Variants in TAF12 observed in about 807,000 individuals in gnomAD.
TAF12 encodes the protein transcription initiation factor TFIID subunit 12.
A neutral mutation model predicts 20.8 loss-of-function variants in TAF12; 3 were observed. The ratio of observed to expected loss-of-function variants is 0.14; its 90% CI spans 0.07 to 0.37. The LOEUF (loss-of-function observed/expected upper bound fraction) is 0.37. TAF12 is among the 10% of genes least tolerant of loss of function. TAF12 has a pLI of 1.00. For synonymous variants in TAF12, 69 were observed against 70.2 expected, an observed-to-expected ratio of 0.98 and a Z score of 0.09; for missense variants, 131 against 197.9, an observed-to-expected ratio of 0.66 and a Z score of 2.03.
intron 1 of TAF12, among the ~76,000 whole-genome samples, chr1:28,623,701 T>A (rs963300629): frequency 6.6e-6 from 1 of 152,226 alleles, no homozygotes; most frequent in Non-Finnish European, 1.5e-5. Flanking sequence ...TGCTTAAGTC[T>A]ATGTCAGGGC....
Position 28,613,373 on chromosome 1 carries a change from A to G in TAF12, c.247-12T>C. The G allele has an allele frequency of 6.2e-7, 1 of 1,603,406 alleles. No individual in the cohort carries two copies. Among genetic ancestry groups the G allele is most frequent in the Non-Finnish European group, 8.5e-7 (1 of 1,175,002 alleles). The stretch of plus-strand genomic sequence containing the variant: ...ATCTGCAGCAGCATCTGGGGAAGGT[A>G]AAGTGGGAAGAGTCAGCACGACATT... On this transcript the variant is annotated splice_polypyrimidine_tract_variant and intron_variant, in intron 3 of 5. Transcript: ENST00000373824.
chr1:28,615,516 T>G (rs1667003993), intron 3 of TAF12, among the ~76,000 whole-genome samples: 1 of 151,564 alleles, frequency 6.6e-6, no homozygotes, highest in Non-Finnish European at 1.5e-5. Context: ...CCGTCTCTAC[T>G]AAAATTACAA....
At chr1:28,607,815 G>A (rs1322522282) in intron 4 of TAF12, among the ~76,000 whole-genome samples, 3 of 151,906 alleles carry the variant, frequency 2.0e-5, no homozygotes, top group Non-Finnish European at 4.4e-5. Context: ...ACTGCAGCCT[G>A]GGTGAAGAGG....
At chr1:28,612,090 A>C (rs942746340) in intron 4 of TAF12, among the ~76,000 whole-genome samples, 1 of 152,166 alleles carries the variant, frequency 6.6e-6, no homozygotes, top group Non-Finnish European at 1.5e-5. Flanking sequence ...CACTGTGAAG[A>C]AAGTCTTTCA....
upstream of TAF12, among the ~76,000 whole-genome samples, chr1:28,647,611 C>T (rs372624414): frequency 6.6e-6 from 1 of 152,180 alleles, no homozygotes; most frequent in Admixed American, 6.5e-5. Context: ...CGGTGGCTCA[C>T]GCCTATAATC....
intron 1 of TAF12, among the ~76,000 whole-genome samples, chr1:28,635,237 T>C (rs1433405421): frequency 7.7e-6 from 1 of 129,874 alleles, no homozygotes; most frequent in Non-Finnish European, 1.6e-5. Context: ...CTCAAATAAA[T>C]AAATAAATAA....
At position 28,605,398 on chromosome 1, in the gene TAF12, C is replaced by A; in HGVS notation, c.424G>T (p.Ala142Ser). ...TGTTTGTGAGCTTCTGTGGTGCAAG[C>A]TTTTTTGTAGGGTCGGATTTCTTCA... ...GSEEIRPYKK[A>S]CTTEAHKQRM... is the part of the protein sequence containing the mutation. The change falls in exon 5 of 6, where the codon GCT becomes TCT. Residue 142 changes from alanine to serine, a missense_variant. This residue lies in a region of TAF12 where 60 missense variants were observed against 90.2 expected (regional missense o/e 0.66). Coordinates refer to ENST00000373824, the MANE Select transcript of TAF12 (RefSeq NM_005644.4). 1 of 1,614,058 alleles carries A rather than the reference C, an allele frequency of 6.2e-7. No individual in the cohort carries two copies. The highest frequency in any genetic ancestry group is 1.7e-4 in the Middle Eastern group (1 of 6,060).
At chr1:28,606,224 C>T (rs947467035) in intron 4 of TAF12, among the ~76,000 whole-genome samples, 1 of 152,064 alleles carries the variant, frequency 6.6e-6, no homozygotes, top group African/African-American at 2.4e-5. Context: ...GTCTTGAACT[C>T]CTGACCTCGT....
At chr1:28,615,855 G>A (rs953385871) in intron 3 of TAF12, among the ~76,000 whole-genome samples, 1 of 152,120 alleles carries the variant, frequency 6.6e-6, no homozygotes, top group Non-Finnish European at 1.5e-5. Flanking sequence ...TTACTCTGAA[G>A]TAAAGTCTTG....
chr1:28,611,905 T>C (rs576095375), intron 4 of TAF12, among the ~76,000 whole-genome samples: 3 of 152,308 alleles, frequency 2.0e-5, no homozygotes, highest in Admixed American at 6.5e-5. Flanking sequence ...CCCAGATTCA[T>C]GAATCAAATC....
chr1:28,617,861 T>G, intron 3 of TAF12, 92 bp downstream of exon 3: 698 of 1,226,210 alleles, frequency 5.7e-4, no homozygotes, highest in Non-Finnish European at 7.6e-4. Flanking sequence ...TCAAAAGGCA[T>G]GAGCCACTGC....
At chr1:28,607,153 G>A (rs1306154123) in intron 4 of TAF12, among the ~76,000 whole-genome samples, 2 of 152,200 alleles carry the variant, frequency 1.3e-5, no homozygotes, top group Admixed American at 6.5e-5. Context: ...CAAATCACAG[G>A]CATAAGCCAC....
chr1:28,632,672 G>C (rs755743316), intron 1 of TAF12, among the ~76,000 whole-genome samples: 1 of 152,028 alleles, frequency 6.6e-6, no homozygotes, highest in Non-Finnish European at 1.5e-5. Flanking sequence ...ATGGAAAACA[G>C]ATCAGTGGTT....
upstream of TAF12, among the ~76,000 whole-genome samples, chr1:28,645,229 G>A (rs1300416817): frequency 6.6e-6 from 1 of 151,072 alleles, no homozygotes; most frequent in Non-Finnish European, 1.5e-5. Context: ...TAGAGATGGG[G>A]TTTCACCATG....
At chr1:28,623,837 C>T (rs1346666564) in intron 1 of TAF12, 2 of 394,844 alleles carry the variant, frequency 5.1e-6, no homozygotes, top group Admixed American at 6.4e-5. Flanking sequence ...AGCTGAGACT[C>T]CTGAATCTTA....
At chr1:28,645,263 C>T (rs1381501382), upstream of TAF12, among the ~76,000 whole-genome samples, 20 of 150,986 alleles carry the variant, frequency 1.3e-4, no homozygotes, top group Admixed American at 1.1e-3. Flanking sequence ...TCTCGATCTC[C>T]TGACCTCGTG....
At chr1:28,625,946 C>A (rs1667368580) in intron 1 of TAF12, among the ~76,000 whole-genome samples, 1 of 151,682 alleles carries the variant, frequency 6.6e-6, no homozygotes, top group African/African-American at 2.4e-5. Flanking sequence ...TACCAGAGTG[C>A]TGGAATTATA....
intron 1 of TAF12, among the ~76,000 whole-genome samples, chr1:28,632,686 A>G (rs1245112004): frequency 6.6e-6 from 1 of 152,054 alleles, no homozygotes; most frequent in East Asian, 1.9e-4. Flanking sequence ...AGTGGTTGTT[A>G]AGGAGTCTGG....
At chr1:28,620,901 A>G (rs866979866) in intron 2 of TAF12, among the ~76,000 whole-genome samples, 2 of 152,290 alleles carry the variant, frequency 1.3e-5, no homozygotes, top group Middle Eastern at 3.4e-3. Flanking sequence ...TCGAGCCTTC[A>G]CTACATGTCT....
Sources: gnomAD v4.1 joint callset for allele counts (sites outside exome capture counted in the v4.1 genomes callset) on GRCh38, gnomAD v4.1.1 for gene constraint, gnomAD v4.1.1 regional missense constraint, MANE v1.5 for transcripts, NCBI Gene and HGNC (gene_info 2026-07-23, HGNC 2026-07-21) for gene names.